CA5A: variants seen among roughly 807,000 people sequenced by gnomAD.
The protein encoded by CA5A is carbonic anhydrase 5A, mitochondrial.
CA5A carries 28 observed loss-of-function variants against 37.1 expected under a neutral mutation model. The observed-to-expected ratio is 0.75, with a 90% CI of 0.56 to 1.03. CA5A has a LOEUF of 1.03. Ranked by LOEUF, CA5A falls within the 50% of genes least tolerant of loss-of-function variation. CA5A has a pLI of 0.00. For synonymous variants in CA5A, 171 were observed against 158.4 expected (o/e 1.08, Z -0.60); for missense variants, 444 against 399.9 (o/e 1.11, Z -0.94).
At chr16:87,916,640 T>C (rs1285690605) in intron 2 of CA5A, among the ~76,000 whole-genome samples, 1 of 152,232 alleles carries the variant, frequency 6.6e-6, no homozygotes, top group Non-Finnish European at 1.5e-5. Context: ...TGTAGAGAAG[T>C]ACCTATTTAT....
chr16:87,929,652 C>T (rs1468252446), intron 1 of CA5A, among the ~76,000 whole-genome samples: 1 of 151,720 alleles, frequency 6.6e-6, no homozygotes, highest in Admixed American at 6.6e-5. Flanking sequence ...GTGGGCGGAT[C>T]ACGAGGTCAG....
At position 87,889,704 on chromosome 16, in the gene CA5A, G is replaced by A. The variant is rs1247748016; in HGVS notation, c.775-1432C>T. ...GGAGAAGCTCTTTAACCTGGGAGGC[G>A]GAGCTTGTGGTGAGCGAGATCACGC... On this transcript the variant is annotated intron_variant, in intron 6 of 6. Transcript: ENST00000649794. Among the ~76,000 whole-genome samples, 6 of 152,104 alleles carry A rather than the reference G, an allele frequency of 3.9e-5. 1 individual carries two copies. The East Asian group carries it at 9.7e-4, about 25-fold the overall frequency.
intron 3 of CA5A, among the ~76,000 whole-genome samples, chr16:87,904,543 G>C (rs541779104): frequency 6.6e-6 from 1 of 152,180 alleles, no homozygotes; most frequent in Non-Finnish European, 1.5e-5. Context: ...GGCAAGTTCC[G>C]TAACCATTCA....
At chr16:87,896,277 G>A (rs2055801445) in intron 5 of CA5A, among the ~76,000 whole-genome samples, 1 of 152,190 alleles carries the variant, frequency 6.6e-6, no homozygotes, top group Non-Finnish European at 1.5e-5. Flanking sequence ...GCAGGCTCCA[G>A]CCATGCCACT....
rs142287145 is a variant in CA5A at position 87,897,368 on chromosome 16, G to A, written c.618+4544C>T. On this transcript the variant is annotated intron_variant, in intron 5 of 6. Transcript: ENST00000649794. ...GCCAAAACTTCTGGCTATGGTGAGA[G>A]GGTCAAAGGCGAAGCCTTGAGGTCT... 2.2e-3 allele frequency among the ~76,000 whole-genome samples: 330 copies of A among 152,386 alleles called. 2 individuals are homozygous for A. The highest frequency in any genetic ancestry group is 6.5e-3 in the African/African-American group (270 of 41,592).
chr16:87,921,496 A>G (rs2056228628), intron 2 of CA5A, among the ~76,000 whole-genome samples: 1 of 152,120 alleles, frequency 6.6e-6, no homozygotes, highest in Admixed American at 6.6e-5. Context: ...TACGTCCTAG[A>G]AAAAAACTCC....
At chr16:87,893,053 A>G in intron 5 of CA5A, 1 of 1,173,622 alleles carries the variant, frequency 8.5e-7, no homozygotes, top group Non-Finnish European at 1.2e-6. Context: ...CATGTCACGA[A>G]GGCCATGCAG....
chr16:87,902,554 C>G (rs575261601), intron 3 of CA5A, 34 bp from the exon 4 acceptor site: 33 of 1,128,798 alleles, frequency 2.9e-5, no homozygotes, highest in African/African-American at 2.9e-4. Context: ...TTAAATTGAT[C>G]AGCAAGAAAT....
intron 6 of CA5A, among the ~76,000 whole-genome samples, chr16:87,889,988 GGGCCGT>G (rs2055690285): frequency 2.0e-5 from 3 of 152,172 alleles, no homozygotes; most frequent in African/African-American, 7.2e-5. Context: ...GTGGCCTCCT[GGGCCGT>G]GACCACGGTG....
intron 5 of CA5A, among the ~76,000 whole-genome samples, chr16:87,898,976 C>G (rs999802448): frequency 6.6e-6 from 1 of 151,988 alleles, no homozygotes; most frequent in Admixed American, 6.6e-5. Context: ...CTCAGGTGAT[C>G]TATTCACCTC....
At chr16:87,907,394 A>G (rs2055980034) in intron 2 of CA5A, among the ~76,000 whole-genome samples, 1 of 152,108 alleles carries the variant, frequency 6.6e-6, no homozygotes, top group Non-Finnish European at 1.5e-5. Flanking sequence ...AAGTGCATTG[A>G]TGGGTGACTG....
In CA5A at chr16:87,888,399, A is replaced by G. The variant is rs1329160666; in HGVS notation, c.775-127T>C. 10 of 816,176 alleles carry G rather than the reference A, an allele frequency of 1.2e-5. No homozygotes were observed. The African/African-American group carries it at 1.4e-4, about 11-fold the overall frequency. The allele number at this position is 816,176 out of a possible 1,614,324, so 50.6% of individuals were successfully genotyped here. A position where few individuals can be genotyped will look rare whatever the true frequency, so the allele number is the denominator to read the frequency against. On this transcript the variant is annotated intron_variant, in intron 6 of 6. Coordinates refer to ENST00000649794, the MANE Select transcript of CA5A (RefSeq NM_001739.2). ...GGATGGCCCGAAATGATCAATAAAT[A>G]TGGTGGAAGTGATGGTGTGTGCAGG...
intron 2 of CA5A, among the ~76,000 whole-genome samples, chr16:87,925,902 C>G (rs7200710): frequency 0.44 from 66,539 of 151,996 alleles, 15,491 homozygotes; most frequent in Non-Finnish European, 0.52. Flanking sequence ...TCAGTCTGTC[C>G]TCACAGCAGC....
intron 2 of CA5A, among the ~76,000 whole-genome samples, chr16:87,910,383 T>A (rs1349379602): frequency 6.6e-6 from 1 of 152,038 alleles, no homozygotes; most frequent in East Asian, 1.9e-4. Flanking sequence ...GTCCTGTGAG[T>A]CCAACTTTGA....
chr16:87,924,513 C>T (rs1698102229), intron 2 of CA5A, among the ~76,000 whole-genome samples: 1 of 152,246 alleles, frequency 6.6e-6, no homozygotes, highest in African/African-American at 2.4e-5. Flanking sequence ...CCCCGGGCTC[C>T]AGGAAGGCCT....
chr16:87,892,072 G>A (rs1168086951), intron 5 of CA5A, 118 bp from the exon 6 acceptor site: 233 of 864,434 alleles, frequency 2.7e-4, no homozygotes, highest in Admixed American at 7.6e-5. Flanking sequence ...CCCCAGATAA[G>A]GCCATGAGGC....
At chr16:87,905,415 A>C (rs1476274391) in intron 2 of CA5A, among the ~76,000 whole-genome samples, 1 of 152,192 alleles carries the variant, frequency 6.6e-6, no homozygotes, top group Non-Finnish European at 1.5e-5. Flanking sequence ...GCTGGAGTAC[A>C]ATGGCATGAT....
intron 2 of CA5A, among the ~76,000 whole-genome samples, chr16:87,917,166 C>G (rs2056157947): frequency 6.6e-6 from 1 of 151,770 alleles, no homozygotes; most frequent in South Asian, 2.1e-4. Context: ...CTTCTGGATC[C>G]AAATGATAAC....
downstream of CA5A, chr16:87,886,694 T>C (rs975547900): frequency 6.6e-6 from 1 of 152,104 alleles, no homozygotes; most frequent in Non-Finnish European, 1.5e-5. Flanking sequence ...GATCGACTGA[T>C]GAATTGATCG....
Sources: gnomAD v4.1 joint callset for allele counts (sites outside exome capture counted in the v4.1 genomes callset) on GRCh38, gnomAD v4.1.1 for gene constraint, MANE v1.5 for transcripts, NCBI Gene and HGNC (gene_info 2026-07-23, HGNC 2026-07-21) for gene names.